PIK3R4: variants seen among roughly 807,000 people sequenced by gnomAD.
The protein encoded by PIK3R4 is phosphoinositide 3-kinase regulatory subunit 4.
PIK3R4 carries 46 observed loss-of-function variants against 136.5 expected under a neutral mutation model. The ratio of observed to expected loss-of-function variants is 0.34; its 90% CI spans 0.27 to 0.43. The LOEUF (loss-of-function observed/expected upper bound fraction) is 0.43, where lower values mean the gene tolerates loss of function less well. Among genes scored for constraint, PIK3R4 ranks in the 20% least tolerant of loss-of-function variants. The probability of loss-of-function intolerance (pLI) is 1.00; values close to 1 mark genes in which losing one functional copy is unlikely to be tolerated. For missense variants in PIK3R4, 1,331 were observed against 1,649.5 expected (o/e 0.81, Z 3.35); for synonymous variants, 557 against 566.7 (o/e 0.98, Z 0.24).
chr3:130,716,383 A>T lies in PIK3R4; in HGVS notation c.2331+13T>A. On this transcript the variant is annotated intron_variant, in intron 9 of 19. Coordinates refer to ENST00000356763, the MANE Select transcript of PIK3R4 (RefSeq NM_014602.3). ...TCGCATTTAAATGTAAGACTTTGGA[A>T]GGGTGATACAACCTGTGAGAGCAAC... The T allele has an allele frequency of 6.2e-7, 1 of 1,602,154 alleles. No homozygotes were observed. Among genetic ancestry groups the T allele is most frequent in the Non-Finnish European group, 8.5e-7 (1 of 1,171,218 alleles).
intron 7 of PIK3R4, among the ~76,000 whole-genome samples, chr3:130,723,082 A>T (rs1346366847): frequency 6.8e-6 from 1 of 146,654 alleles, no homozygotes; most frequent in Non-Finnish European, 1.5e-5. Flanking sequence ...AAAAAAAAAA[A>T]AAAAAAAAAA....
chr3:130,709,693 T>C (rs1056666946), intron 9 of PIK3R4, among the ~76,000 whole-genome samples: 4 of 152,092 alleles, frequency 2.6e-5, no homozygotes, highest in Non-Finnish European at 5.9e-5. Flanking sequence ...GTAAGGGCTA[T>C]AAATAGTAAT....
intron 2 of PIK3R4, among the ~76,000 whole-genome samples, chr3:130,738,607 A>G (rs1231266346): frequency 6.6e-6 from 1 of 152,084 alleles, no homozygotes; most frequent in Non-Finnish European, 1.5e-5. Flanking sequence ...ACACACTAAA[A>G]GAATTAGGCT....
chr3:130,701,019 T>C (rs2066571083), intron 13 of PIK3R4, among the ~76,000 whole-genome samples: 1 of 152,124 alleles, frequency 6.6e-6, no homozygotes, highest in Non-Finnish European at 1.5e-5. Context: ...TTATCTGAAA[T>C]GTGATACCAA....
intron 14 of PIK3R4, among the ~76,000 whole-genome samples, chr3:130,689,715 C>T (rs1263819965): frequency 6.6e-6 from 1 of 152,224 alleles, no homozygotes; most frequent in Non-Finnish European, 1.5e-5. Context: ...CACACCTGGT[C>T]TTGCCTGTTG....
chr3:130,733,883 T>G lies in PIK3R4; in HGVS notation c.1115A>C (p.Glu372Ala), dbSNP rs1419560275. 8.1e-6 allele frequency: 13 copies of G among 1,614,038 alleles called. No individual in the cohort carries two copies. Among genetic ancestry groups the G allele is most frequent in the Non-Finnish European group, 1.1e-5 (13 of 1,179,994 alleles). Residue 372 changes from glutamate (E) to alanine (A), a missense_variant, in exon 4 of 20, where the codon GAA becomes GCA. Glu to Ala is a moderately radical substitution (Grantham distance 107). Coordinates refer to ENST00000356763, the MANE Select transcript of PIK3R4 (RefSeq NM_014602.3). ...AGATACCAAGATAACCAGCCCATTT[T>G]CCTTAGGCTCTCCTTCGGCTTTTTC... ...LPEKAEGEPKENGLVILVSVI... is the reference protein window; with the variant it reads ...LPEKAEGEPKANGLVILVSVI...
At chr3:130,725,184 A>G (rs2054764) in intron 6 of PIK3R4, among the ~76,000 whole-genome samples, 29,822 of 151,738 alleles carry the variant, frequency 0.2, 3,165 homozygotes, top group South Asian at 0.35. Context: ...TGACATCTGA[A>G]ACTTACCCTA....
At position 130,686,430 on chromosome 3, in the gene PIK3R4, A is replaced by C; in HGVS notation, c.3264-8T>G. ...TCCTTCTGATCTAGAATTCTAGAGA[A>C]ATACACAAAGCACAGACGTTTCCAG... is the stretch of plus-strand genomic sequence containing the variant. On this transcript the variant is annotated splice_polypyrimidine_tract_variant and splice_region_variant and intron_variant, in intron 14 of 19. Transcript: ENST00000356763. 1.3e-6 allele frequency: 2 copies of C among 1,561,894 alleles called. No homozygotes were observed. The highest frequency in any genetic ancestry group is 1.8e-6 in the Non-Finnish European group (2 of 1,132,404).
intron 4 of PIK3R4, among the ~76,000 whole-genome samples, chr3:130,733,120 A>T (rs930604843): frequency 1.3e-5 from 2 of 152,208 alleles, no homozygotes; most frequent in Non-Finnish European, 2.9e-5. Context: ...GTAAGTTAGT[A>T]TGCTAGGTTC....
chr3:130,705,885 G>T, intron 11 of PIK3R4, 114 bp from the exon 12 acceptor site: 1 of 568,942 alleles, frequency 1.8e-6, no homozygotes, highest in Non-Finnish European at 3.0e-6. Flanking sequence ...CCTCATTAAT[G>T]TACCAATTTT....
At chr3:130,685,800 T>C (rs1376549361) in intron 15 of PIK3R4, among the ~76,000 whole-genome samples, 8 of 152,302 alleles carry the variant, frequency 5.3e-5, no homozygotes, top group Admixed American at 4.6e-4. Flanking sequence ...CATTTGAAGA[T>C]GAAGATAGCT....
At chr3:130,724,406 G>T (rs963277237) in intron 6 of PIK3R4, among the ~76,000 whole-genome samples, 4 of 152,106 alleles carry the variant, frequency 2.6e-5, no homozygotes, top group Non-Finnish European at 5.9e-5. Flanking sequence ...ACTGAATTGG[G>T]ATTGTGATGA....
At chr3:130,742,052 T>C (rs979196571) in intron 2 of PIK3R4, among the ~76,000 whole-genome samples, 19 of 152,222 alleles carry the variant, frequency 1.2e-4, no homozygotes, top group Non-Finnish European at 5.9e-5. Flanking sequence ...TCACTTAAAG[T>C]AGCAGTTTCC....
At position 130,716,524 on chromosome 3, in the gene PIK3R4, A is replaced by C; in HGVS notation, c.2203T>G (p.Ser735Ala). Residue 735 changes from serine to alanine, a missense_variant, in exon 9 of 20, where the codon TCT (serine) becomes GCT (alanine). Coordinates refer to ENST00000356763, the MANE Select transcript of PIK3R4 (RefSeq NM_014602.3). ...SRSIFDYALR[S>A]KDITSLFRHL... ...CTGAACAAGCTAGTAATATCTTTAG[A>C]CCTCAAAGCATAATCAAATATAGAA... 1 of 1,613,908 alleles carries C rather than the reference A, an allele frequency of 6.2e-7. No individual in the cohort carries two copies. The highest frequency in any genetic ancestry group is 8.5e-7 in the Non-Finnish European group (1 of 1,179,752).
At chr3:130,716,621 G>A (rs1386789366) in intron 8 of PIK3R4, 22 bp from the exon 9 acceptor site, 1 of 1,486,400 alleles carries the variant, frequency 6.7e-7, no homozygotes, top group African/African-American at 1.4e-5. Flanking sequence ...AAATAAAAAG[G>A]ATCAGCCAAA....
At chr3:130,692,091 G>A (rs1452003652) in intron 13 of PIK3R4, among the ~76,000 whole-genome samples, 3 of 151,708 alleles carry the variant, frequency 2.0e-5, no homozygotes, top group Admixed American at 1.3e-4. Flanking sequence ...TAGCCAGAAT[G>A]GTCTCGATCT....
At chr3:130,680,459 T>TTAA (rs1369162428) in intron 19 of PIK3R4, 154 bp downstream of exon 19, 1 of 492,406 alleles carries the variant, frequency 2.0e-6, no homozygotes, top group East Asian at 3.3e-5. Flanking sequence ...TTAATAAAAG[T>TTAA]TAATTTTTTT....
Position 130,744,605 on chromosome 3 carries a change from C to T in PIK3R4, c.614G>A (p.Gly205Asp), listed in dbSNP as rs1308105554. ...CYIAPERFVD[G>D]GMFATELEYM... ...TTCTAACTCAGTGGCAAACATCCCA[C>T]CATCAACAAAACGTTCAGGAGCAAT... Residue 205 changes from glycine (G) to aspartate (D), a missense_variant, in exon 2 of 20, where the codon GGT becomes GAT. Transcript: ENST00000356763. 3 of 1,614,242 alleles carry T rather than the reference C, an allele frequency of 1.9e-6. No individual in the cohort carries two copies. The highest frequency in any genetic ancestry group is 2.5e-6 in the Non-Finnish European group (3 of 1,180,044).
intron 7 of PIK3R4, among the ~76,000 whole-genome samples, chr3:130,719,724 C>T (rs905366814): frequency 1.3e-5 from 2 of 152,160 alleles, no homozygotes; most frequent in African/African-American, 4.8e-5. Context: ...CTTAACTTCC[C>T]TGTATCACAC....
Sources: gnomAD v4.1 joint callset for allele counts (sites outside exome capture counted in the v4.1 genomes callset) on GRCh38, gnomAD v4.1.1 for gene constraint, MANE v1.5 for transcripts, NCBI Gene and HGNC (gene_info 2026-07-23, HGNC 2026-07-21) for gene names.